PGBD1: variants seen among roughly 807,000 people sequenced by gnomAD.
The protein encoded by PGBD1 is piggyBac transposable element derived 1.
A neutral mutation model predicts 34.7 loss-of-function variants in PGBD1; 25 were observed. That is an observed-to-expected ratio of 0.72 (90% confidence interval 0.52 to 1.00). The LOEUF is 1.00. PGBD1 is among the 50% of genes least tolerant of loss of function. The pLI is 0.00. For synonymous variants in PGBD1, 292 were observed against 335.7 expected, an observed-to-expected ratio of 0.87 and a Z score of 1.42; for missense variants, 830 against 959.4, an observed-to-expected ratio of 0.87 and a Z score of 1.78.
Position 28,296,822 on chromosome 6 carries a change from G to T in PGBD1, c.649G>T (p.Val217Leu). ...VFNPVRSQTL[V>L]KTEEETAQAV... ...TCTTTTTTTGTCTTTTTAGACATTG[G>T]TGAAGACTGAGGAAGAAACAGCCCA... Residue 217 changes from valine (V) to leucine (L), a missense_variant, in exon 5 of 7, where the codon GTG becomes TTG. Transcript: ENST00000682144. The T allele has an allele frequency of 6.2e-7, 1 of 1,614,014 alleles. No homozygotes were observed. Among genetic ancestry groups the T allele is most frequent in the Non-Finnish European group, 8.5e-7 (1 of 1,179,960 alleles).
At chr6:28,282,388 T>C (rs1762155529) in intron 1 of PGBD1, among the ~76,000 whole-genome samples, 1 of 152,210 alleles carries the variant, frequency 6.6e-6, no homozygotes, top group South Asian at 2.1e-4. Context: ...AGTTTGAATT[T>C]ACTTCAACGA....
At chr6:28,292,048 T>C (rs775729351) in intron 4 of PGBD1, among the ~76,000 whole-genome samples, 3 of 152,194 alleles carry the variant, frequency 2.0e-5, no homozygotes, top group Non-Finnish European at 4.4e-5. Context: ...CTCACCACTG[T>C]TGTTCAACAT....
At chr6:28,291,377 A>G (rs532254888) in intron 4 of PGBD1, among the ~76,000 whole-genome samples, 2 of 152,106 alleles carry the variant, frequency 1.3e-5, no homozygotes, top group Admixed American at 1.3e-4. Context: ...CATGCCAACT[A>G]CCAAGATTGG....
In PGBD1 at chr6:28,301,447, A is replaced by G; in HGVS notation, c.1593A>G (p.Lys531=). ...KLRPLIKQMN[K]NFLLYAPLEE... is the part of the protein sequence containing the mutation. ...GACCTCTCATAAAACAAATGAATAAAAATTTCCTCTTGTATGCTCCCCTGG... is the reference window on the plus strand; with the variant it reads ...GACCTCTCATAAAACAAATGAATAAGAATTTCCTCTTGTATGCTCCCCTGG... The change falls in exon 7 of 7, where the codon AAA becomes AAG. Residue 531 remains lysine (K), a synonymous_variant. Transcript: ENST00000682144. 1 of 1,613,986 alleles carries G rather than the reference A, an allele frequency of 6.2e-7. No individual in the cohort carries two copies. The highest frequency in any genetic ancestry group is 1.1e-5 in the South Asian group (1 of 91,088).
rs181620235 is a variant in PGBD1 at position 28,295,521 on chromosome 6, A to G, written c.643-1295A>G. 2.9e-4 allele frequency among the ~76,000 whole-genome samples: 44 copies of G among 152,348 alleles called. No individual in the cohort carries two copies. The East Asian group carries it at 8.5e-3, about 29-fold the overall frequency. ...TTAAGCAACTGCCACAGCCACCGAAACCTTCAGCAACCACCACATTGATTA... is the reference window on the plus strand; with the variant it reads ...TTAAGCAACTGCCACAGCCACCGAAGCCTTCAGCAACCACCACATTGATTA... On this transcript the variant is annotated intron_variant, in intron 4 of 6. Transcript: ENST00000682144.
chr6:28,300,580 C>G lies in PGBD1; in HGVS notation c.870-144C>G. 3 of 926,616 alleles carry G rather than the reference C, an allele frequency of 3.2e-6. No homozygotes were observed. The highest frequency in any genetic ancestry group is 4.7e-6 in the Non-Finnish European group (3 of 638,324). 57.4% of individuals were successfully genotyped at this position (926,616 alleles called of 1,614,324 possible). ...AGAAATGTTTAATCTAGCCAAAGTC[C>G]TCCCCATGGAAACTTAAGAGAAATA... On this transcript the variant is annotated intron_variant, in intron 6 of 6. Coordinates refer to ENST00000682144, the MANE Select transcript of PGBD1 (RefSeq NM_032507.4). The surrounding 1 kb of genome is among the most constrained non-coding windows in gnomAD (Gnocchi z 4.0).
rs748044677 is a variant in PGBD1 at position 28,287,065 on chromosome 6, C to T, written c.554-15C>T. 3.7e-6 allele frequency: 6 copies of T among 1,603,634 alleles called. No individual in the cohort carries two copies. The highest frequency in any genetic ancestry group is 1.7e-4 in the Middle Eastern group (1 of 6,038). On this transcript the variant is annotated splice_polypyrimidine_tract_variant and intron_variant, in intron 3 of 6. Transcript: ENST00000682144. Reference sequence around the variant, plus strand: ...ATCATGTCTCATTTAGGACTCTTGCCCTCTCTCTCTGCAGGGCCTGTTCCC... The same window carrying T: ...ATCATGTCTCATTTAGGACTCTTGCTCTCTCTCTCTGCAGGGCCTGTTCCC...
At position 28,300,790 on chromosome 6, in the gene PGBD1, C is replaced by T; in HGVS notation, c.936C>T (p.Asn312=). The T allele has an allele frequency of 6.2e-7, 1 of 1,614,084 alleles. No homozygotes were observed. Among genetic ancestry groups the T allele is most frequent in the Admixed American group, 1.7e-5 (1 of 60,014 alleles). ...CTGAAAGGACAGTTGCACATTTGAA[C>T]ACTCTGAAGGACCGTCACCCAGGTG... is the stretch of plus-strand genomic sequence containing the variant. ...IATERTVAHL[N]TLKDRHPGDL... The change falls in exon 7 of 7, where the codon AAC becomes AAT. Residue 312 remains asparagine, a synonymous_variant. Coordinates refer to ENST00000682144, the MANE Select transcript of PGBD1 (RefSeq NM_032507.4). This position sits in a 1 kb window ranked among gnomAD's most constrained non-coding sequence, Gnocchi z 4.0.
chr6:28,292,969 A>G (rs929294970), intron 4 of PGBD1, among the ~76,000 whole-genome samples: 28 of 152,076 alleles, frequency 1.8e-4, no homozygotes, highest in African/African-American at 5.3e-4. Flanking sequence ...TTTTTGAGAC[A>G]GTCTTGCTCT....
intron 1 of PGBD1, among the ~76,000 whole-genome samples, chr6:28,282,462 T>C (rs559855852): frequency 1.4e-4 from 22 of 152,330 alleles, no homozygotes; most frequent in African/African-American, 5.1e-4. Context: ...GTCACAACTG[T>C]GCTTTAGGGA....
Position 28,301,228 on chromosome 6 carries a change from G to T in PGBD1, c.1374G>T (p.Arg458Ser), listed in dbSNP as rs955061996. Reference sequence around the variant, plus strand: ...TGGAAGTCACAGTTCAGGAAATGAGGTGTGTGTTTGGTGTCTTACTTTTGA... The same window carrying T: ...TGGAAGTCACAGTTCAGGAAATGAGTTGTGTGTTTGGTGTCTTACTTTTGA... The part of the protein sequence containing the change: ...VSLEVTVQEM[R>S]CVFGVLLLSG... Residue 458 changes from arginine (R) to serine (S), a missense_variant, in exon 7 of 7, where the codon AGG becomes AGT. Physicochemically the swap from Arg to Ser is moderately radical, Grantham distance 110. Around this residue, in one of 3 missense-constraint regions of PGBD1, gnomAD observed 372 missense variants for 427.9 expected, o/e 0.87. Coordinates refer to ENST00000682144, the MANE Select transcript of PGBD1 (RefSeq NM_032507.4). The T allele has an allele frequency of 6.2e-7, 1 of 1,614,012 alleles. No individual in the cohort carries two copies. The highest frequency in any genetic ancestry group is 1.3e-5 in the African/African-American group (1 of 74,908).
Position 28,281,642 on chromosome 6 carries a change from G to T in PGBD1, c.-315G>T. The T allele has an allele frequency of 2.7e-6, 1 of 368,808 alleles. No individual in the cohort carries two copies. Among genetic ancestry groups the T allele is most frequent in the Non-Finnish European group, 4.8e-6 (1 of 209,282 alleles). 22.8% of individuals were successfully genotyped at this position (368,808 alleles called of 1,614,324 possible). On this transcript the variant is annotated 5_prime_UTR_variant, in exon 1 of 7. Transcript: ENST00000682144. ...GCCAGCCCAGCGGCCCGGGCTCTGG[G>T]GAAACCGGCGCTCCCGACAGGGGAG...
intron 6 of PGBD1, among the ~76,000 whole-genome samples, chr6:28,300,000 CAA>C (rs776417092): frequency 9.4e-5 from 8 of 85,000 alleles, no homozygotes; most frequent in Non-Finnish European, 7.3e-5. Flanking sequence ...GACTCTGTCT[CAA>C]AAAAAAAAAA....
chr6:28,282,973 G>A (rs1244822988), intron 1 of PGBD1, among the ~76,000 whole-genome samples: 3 of 152,200 alleles, frequency 2.0e-5, no homozygotes, highest in African/African-American at 7.2e-5. Flanking sequence ...AAACTTAGTG[G>A]CTGAAAACAA....
Position 28,301,346 on chromosome 6 carries a change from T to A in PGBD1, c.1492T>A (p.Phe498Ile). ...LVRDAIRRDRFELIFSNLHFA... is the reference protein window; with the variant it reads ...LVRDAIRRDRIELIFSNLHFA... Reference sequence around the variant, plus strand: ...TAGAGATGCAATCAGAAGGGACAGATTTGAATTGATTTTCTCAAACCTGCA... The same window carrying A: ...TAGAGATGCAATCAGAAGGGACAGAATTGAATTGATTTTCTCAAACCTGCA... Residue 498 changes from phenylalanine to isoleucine, a missense_variant, in exon 7 of 7, where the codon TTT becomes ATT. Phe to Ile is a conservative substitution (Grantham distance 21). This residue lies in a region of PGBD1 where 372 missense variants were observed against 427.9 expected (regional missense o/e 0.87). Coordinates refer to ENST00000682144, the MANE Select transcript of PGBD1 (RefSeq NM_032507.4). 1.2e-6 allele frequency: 2 copies of A among 1,614,116 alleles called. No individual in the cohort carries two copies. The highest frequency in any genetic ancestry group is 1.7e-6 in the Non-Finnish European group (2 of 1,180,022).
rs1421697179 is a variant in PGBD1 at position 28,301,100 on chromosome 6, A to G, written c.1246A>G (p.Lys416Glu). The G allele has an allele frequency of 6.2e-7, 1 of 1,614,222 alleles. No homozygotes were observed. Among genetic ancestry groups the G allele is most frequent in the Admixed American group, 1.7e-5 (1 of 60,028 alleles). The change falls in exon 7 of 7, where the codon AAG (lysine) becomes GAG (glutamate). Residue 416 changes from lysine (K) to glutamate (E), a missense_variant. Transcript: ENST00000682144. ...DSGLLNLKSE[K>E]LNPVELFELF... The stretch of plus-strand genomic sequence containing the variant: ...TGGACTTTTGAATCTCAAGAGCGAA[A>G]AGTTGAACCCAGTAGAGCTTTTTGA...
At chr6:28,287,000 G>T in intron 3 of PGBD1, 80 bp from the exon 4 acceptor site, 1 of 1,041,274 alleles carries the variant, frequency 9.6e-7, no homozygotes, top group Non-Finnish European at 1.5e-6. Context: ...TAACATTTGG[G>T]GGAAAAGGCT....
chr6:28,284,220 A>C lies in PGBD1; in HGVS notation c.396+11A>C. On this transcript the variant is annotated intron_variant, in intron 2 of 6. Transcript: ENST00000682144. ...GACACAGGACAACAGGTGGGAAGAG[A>C]ATGTGTGTGGTGATGTGGGAGAAGA... is the stretch of plus-strand genomic sequence containing the variant. The C allele has an allele frequency of 6.6e-7, 1 of 1,516,282 alleles. No individual in the cohort carries two copies. The highest frequency in any genetic ancestry group is 8.8e-7 in the Non-Finnish European group (1 of 1,130,194). The allele number at this position is 1,516,282 out of a possible 1,614,324, so 93.9% of individuals were successfully genotyped here.
At chr6:28,283,753 C>T (rs1762195791) in intron 1 of PGBD1, 23 bp from the exon 2 acceptor site, 2 of 1,499,906 alleles carry the variant, frequency 1.3e-6, no homozygotes, top group African/African-American at 1.4e-5. Context: ...TCTTATGCCT[C>T]AGATCTCTAT....
Sources: allele counts gnomAD v4.1 joint callset (sites outside exome capture counted in the v4.1 genomes callset), GRCh38; gene constraint gnomAD v4.1.1; regional missense constraint gnomAD v4.1.1; non-coding constraint Gnocchi (gnomAD v3.1); transcripts MANE v1.5; gene names NCBI Gene and HGNC (gene_info 2026-07-23, HGNC 2026-07-21).